IQCM: variants seen among roughly 807,000 people sequenced by gnomAD.
The protein encoded by IQCM is IQ domain-containing protein M.
Under a neutral mutation model 57.6 loss-of-function variants are expected in IQCM, and 45 were observed. The ratio of observed to expected loss-of-function variants is 0.78; its 90% confidence interval spans 0.62 to 1.00. IQCM has a LOEUF of 1.00. Ranked by LOEUF, IQCM falls within the 50% of genes least tolerant of loss-of-function variation. The probability of loss-of-function intolerance (pLI) is 0.00; values close to 1 mark genes in which losing one functional copy is unlikely to be tolerated. For synonymous variants in IQCM, 148 were observed against 158.9 expected (o/e 0.93, Z 0.51); for missense variants, 468 against 511.6 (o/e 0.91, Z 0.82).
chr4:149,672,505 T>C (rs776243767), intron 7 of IQCM, among the ~76,000 whole-genome samples: 1 of 152,082 alleles, frequency 6.6e-6, no homozygotes, highest in Non-Finnish European at 1.5e-5. Flanking sequence ...GCTGATTCGG[T>C]CAACTGGAAG....
In IQCM at chr4:149,548,481, T is replaced by C. The variant is rs1192530935; in HGVS notation, c.1202A>G (p.Asp401Gly). The C allele has an allele frequency of 8.1e-7, 1 of 1,231,862 alleles. No individual in the cohort carries two copies. Among genetic ancestry groups the C allele is most frequent in the Non-Finnish European group, 1.0e-6 (1 of 987,878 alleles). 76.3% of individuals were successfully genotyped at this position (1,231,862 alleles called of 1,614,324 possible). A position where few individuals can be genotyped will look rare whatever the true frequency, so the allele number is the denominator to read the frequency against. The change falls in exon 12 of 14, where the codon GAT becomes GGT. Residue 401 changes from aspartate (D) to glycine (G), a missense_variant. Transcript: ENST00000636793. The part of the protein sequence containing the change: ...CGHFPTQKQV[D>G]DTWDLVHQDG... Reference sequence around the variant, plus strand: ...TTGATGGACCAGGTCCCAAGTATCATCAACTTGTTTCTGAGTTGGGAAATG... The same window carrying C: ...TTGATGGACCAGGTCCCAAGTATCACCAACTTGTTTCTGAGTTGGGAAATG...
chr4:149,723,467 T>A (rs1437807334), intron 5 of IQCM, among the ~76,000 whole-genome samples: 1 of 151,926 alleles, frequency 6.6e-6, no homozygotes, highest in Non-Finnish European at 1.5e-5. Context: ...TTCTTTATAT[T>A]CTTAGTTTGT....
chr4:149,690,704 G>C (rs1762881677), intron 5 of IQCM: 1 of 152,088 alleles, frequency 6.6e-6, no homozygotes, highest in Admixed American at 6.6e-5. Context: ...GGTAAGTCCT[G>C]GAACCAGTTC....
chr4:149,667,217 GC>G (rs1211361797), intron 7 of IQCM, among the ~76,000 whole-genome samples: 1 of 152,156 alleles, frequency 6.6e-6, no homozygotes, highest in Non-Finnish European at 1.5e-5. Context: ...CTGGGACGGA[GC>G]TTCCAGAGGA....
At chr4:149,538,125 C>A (rs994684956) in intron 12 of IQCM, among the ~76,000 whole-genome samples, 3 of 151,040 alleles carry the variant, frequency 2.0e-5, no homozygotes, top group Admixed American at 2.0e-4. Flanking sequence ...AAGATATCTG[C>A]AAATGTCTTC....
intron 7 of IQCM, among the ~76,000 whole-genome samples, chr4:149,668,575 G>T (rs1322700922): frequency 1.3e-5 from 2 of 152,070 alleles, no homozygotes; most frequent in Non-Finnish European, 2.9e-5. Context: ...GGGTTGATGG[G>T]TGCAGCAAAC....
chr4:149,719,631 C>T (rs1176267499), intron 5 of IQCM, among the ~76,000 whole-genome samples: 2 of 152,184 alleles, frequency 1.3e-5, no homozygotes. Flanking sequence ...AGTACTTCAT[C>T]TCCCTCCACC....
intron 5 of IQCM, among the ~76,000 whole-genome samples, chr4:149,712,834 A>G (rs915986654): frequency 6.6e-6 from 1 of 152,216 alleles, no homozygotes; most frequent in African/African-American, 2.4e-5. Context: ...GTAGAGGACT[A>G]TAATGAACAT....
intron 2 of IQCM, among the ~76,000 whole-genome samples, chr4:149,779,066 C>G (rs144511006): frequency 0.011 from 1,657 of 152,096 alleles, 29 homozygotes; most frequent in Non-Finnish European, 0.012. Flanking sequence ...TGAATATACA[C>G]AAAAATTCTT....
intron 12 of IQCM, among the ~76,000 whole-genome samples, chr4:149,469,438 G>T (rs777469341): frequency 6.6e-6 from 1 of 152,134 alleles, no homozygotes; most frequent in Non-Finnish European, 1.5e-5. Flanking sequence ...AGAATAAAAA[G>T]AAATGAACAA....
chr4:149,689,491 T>C (rs1428717346), intron 5 of IQCM, among the ~76,000 whole-genome samples: 1 of 152,042 alleles, frequency 6.6e-6, no homozygotes, highest in Non-Finnish European at 1.5e-5. Context: ...CATGTATACC[T>C]ATGTAACAAA....
intron 12 of IQCM, among the ~76,000 whole-genome samples, chr4:149,489,311 G>A (rs996773919): frequency 6.6e-6 from 1 of 152,082 alleles, no homozygotes; most frequent in Non-Finnish European, 1.5e-5. Flanking sequence ...TTGGAAGACA[G>A]AATGCTGTTT....
Position 149,733,882 on chromosome 4 carries a change from TC to T in IQCM, c.121-375del, listed in dbSNP as rs546769214. 2.5e-3 allele frequency among the ~76,000 whole-genome samples: 384 copies of T among 152,254 alleles called. 3 individuals carry two copies. Among genetic ancestry groups the T allele is most frequent in the African/African-American group, 8.7e-3 (361 of 41,558 alleles). ...GTAAGAATTAAATTATTTTCAACCA[TC>T]TTTGAAGAACTTTCAGATGTCCATA... is the stretch of plus-strand genomic sequence containing the variant. On this transcript the variant is annotated intron_variant, in intron 4 of 13. Transcript: ENST00000636793.
At chr4:149,753,771 T>C (rs1768694985) in intron 2 of IQCM, among the ~76,000 whole-genome samples, 1 of 115,926 alleles carries the variant, frequency 8.6e-6, no homozygotes, top group Admixed American at 1.2e-4. Flanking sequence ...AAAAAAAAGA[T>C]ATAAAGGAAA....
intron 2 of IQCM, among the ~76,000 whole-genome samples, chr4:149,773,404 T>G (rs1167933986): frequency 2.0e-5 from 3 of 151,900 alleles, no homozygotes; most frequent in Non-Finnish European, 4.4e-5. Context: ...AATATCACAG[T>G]GCAAAAGAGC....
intron 2 of IQCM, among the ~76,000 whole-genome samples, chr4:149,803,870 T>C (rs1164033483): frequency 1.3e-5 from 2 of 151,928 alleles, no homozygotes; most frequent in African/African-American, 4.8e-5. Context: ...AAGGGCCCTA[T>C]TGATGTGGTG....
chr4:149,706,137 C>T (rs956810698), intron 5 of IQCM, among the ~76,000 whole-genome samples: 6 of 151,940 alleles, frequency 3.9e-5, no homozygotes, highest in Non-Finnish European at 7.4e-5. Flanking sequence ...TGCAAATCTA[C>T]TTCTAGTCAC....
chr4:149,416,312 A>G (rs1733745086), intron 13 of IQCM, among the ~76,000 whole-genome samples: 2 of 152,108 alleles, frequency 1.3e-5, no homozygotes, highest in Admixed American at 6.6e-5. Context: ...TCCTGAGAAA[A>G]TATCTATTTT....
chr4:149,700,827 G>C (rs1763711760), intron 5 of IQCM, among the ~76,000 whole-genome samples: 1 of 151,946 alleles, frequency 6.6e-6, no homozygotes, highest in African/African-American at 2.4e-5. Flanking sequence ...CTTATAGAAA[G>C]TACTGAGCAC....
Sources: gnomAD v4.1 joint callset for allele counts (sites outside exome capture counted in the v4.1 genomes callset) on GRCh38, gnomAD v4.1.1 for gene constraint, MANE v1.5 for transcripts, NCBI Gene and HGNC (gene_info 2026-07-23, HGNC 2026-07-21) for gene names.